Variants in ABRAXAS1 observed in about 807,000 individuals in gnomAD.
ABRAXAS1 encodes BRCA1-A complex subunit Abraxas 1.
ABRAXAS1 carries 26 observed loss-of-function variants against 38.4 expected under a neutral mutation model. The observed-to-expected ratio is 0.68, with a 90% CI of 0.50 to 0.94. The LOEUF (loss-of-function observed/expected upper bound fraction) is 0.94. Among genes scored for constraint, ABRAXAS1 ranks in the 40% least tolerant of loss-of-function variants. The probability of loss-of-function intolerance (pLI) is 0.00; values close to 1 mark genes in which losing one functional copy is unlikely to be tolerated. For missense variants in ABRAXAS1, 438 were observed against 481.9 expected, an observed-to-expected ratio of 0.91 and a Z score of 0.85; for synonymous variants, 144 against 165.5, an observed-to-expected ratio of 0.87 and a Z score of 1.00.
At chr4:83,472,583 T>A (rs995940305) in intron 3 of ABRAXAS1, among the ~76,000 whole-genome samples, 9 of 152,216 alleles carry the variant, frequency 5.9e-5, no homozygotes, top group Non-Finnish European at 2.9e-5. Context: ...AATACAGGTA[T>A]TAAAATGTAA....
intron 5 of ABRAXAS1, 109 bp downstream of exon 5, chr4:83,470,094 C>T: frequency 9.3e-6 from 7 of 749,126 alleles, no homozygotes; most frequent in Non-Finnish European, 1.4e-5. Flanking sequence ...GTTATCGTGA[C>T]AATCTGATGC....
chr4:83,470,173 T>C (rs772481293), intron 5 of ABRAXAS1, 30 bp downstream of exon 5: 13 of 1,556,348 alleles, frequency 8.4e-6, no homozygotes, highest in Non-Finnish European at 1.1e-5. Flanking sequence ...TCTATTAGTT[T>C]AATACAGCCA....
chr4:83,465,576 G>A (rs1009475695), intron 7 of ABRAXAS1, among the ~76,000 whole-genome samples: 13 of 152,186 alleles, frequency 8.5e-5, no homozygotes, highest in Admixed American at 5.2e-4. Flanking sequence ...TTGCTTGAGC[G>A]CAGGGGATGG....
chr4:83,470,192 C>A lies in ABRAXAS1; in HGVS notation c.476+11G>T. Reference sequence around the variant, plus strand: ...TTAGTTTAATACAGCCAGTGACTGGCCAACATTTACCCTTTTTGAGGTTTA... The same window carrying A: ...TTAGTTTAATACAGCCAGTGACTGGACAACATTTACCCTTTTTGAGGTTTA... On this transcript the variant is annotated intron_variant, in intron 5 of 8. Transcript: ENST00000321945. 6.3e-7 allele frequency: 1 copy of A among 1,595,882 alleles called. No homozygotes were observed. The highest frequency in any genetic ancestry group is 8.5e-7 in the Non-Finnish European group (1 of 1,169,722).
chr4:83,464,188 A>G (rs2088117), intron 7 of ABRAXAS1, among the ~76,000 whole-genome samples: 3,630 of 152,290 alleles, frequency 0.024, 136 homozygotes, highest in African/African-American at 0.082. Context: ...CCCTGTCTCA[A>G]ACAAAAACAA....
intron 8 of ABRAXAS1, 121 bp downstream of exon 8, chr4:83,463,370 TTGC>T: frequency 1.8e-6 from 1 of 560,426 alleles, no homozygotes; most frequent in South Asian, 3.2e-5. Flanking sequence ...GAGGCAGAGG[TTGC>T]AGTAAGCTGA....
chr4:83,470,790 C>T (rs1297720088), intron 4 of ABRAXAS1, among the ~76,000 whole-genome samples: 1 of 152,166 alleles, frequency 6.6e-6, no homozygotes, highest in African/African-American at 2.4e-5. Context: ...TGTATGGACA[C>T]TTGGTTTGTT....
At chr4:83,472,192 CA>C (rs1224608860) in intron 4 of ABRAXAS1, 29 bp downstream of exon 4, 24 of 1,400,692 alleles carry the variant, frequency 1.7e-5, no homozygotes, top group South Asian at 5.6e-5. Flanking sequence ...CAAATAATAC[CA>C]AAAAAAGGGA....
Position 83,462,662 on chromosome 4 carries a change from T to C in ABRAXAS1, c.1037A>G (p.His346Arg). Residue 346 changes from histidine to arginine, a missense_variant, in exon 9 of 9, where the codon CAT becomes CGT. Around this residue, in one of 3 missense-constraint regions of ABRAXAS1, gnomAD observed 184 missense variants for 181.9 expected, o/e 1.01. Coordinates refer to ENST00000321945, the MANE Select transcript of ABRAXAS1 (RefSeq NM_139076.3). ...TCTGTCATCTAAGTCTAAGGCTTTA[T>C]GCTTAATGATTTGTGGTGTACTAGC... ...SPASTPQIIK[H>R]KALDLDDRWQ... 4 of 1,614,038 alleles carry C rather than the reference T, an allele frequency of 2.5e-6. No homozygotes were observed. The highest frequency in any genetic ancestry group is 3.4e-6 in the Non-Finnish European group (4 of 1,179,994).
At chr4:83,466,637 G>A (rs1420032401) in intron 7 of ABRAXAS1, among the ~76,000 whole-genome samples, 2 of 151,744 alleles carry the variant, frequency 1.3e-5, no homozygotes, top group African/African-American at 4.8e-5. Flanking sequence ...CTGGGTTCAC[G>A]CCATTCTCCT....
At chr4:83,478,356 C>T in intron 2 of ABRAXAS1, 1 of 594,466 alleles carries the variant, frequency 1.7e-6, no homozygotes, top group Non-Finnish European at 3.3e-6. Flanking sequence ...GCCAAACTGG[C>T]TTTGGCGTGG....
chr4:83,468,309 A>G (rs890689158), intron 6 of ABRAXAS1, among the ~76,000 whole-genome samples: 1 of 104,328 alleles, frequency 9.6e-6, no homozygotes, highest in Non-Finnish European at 1.8e-5. Flanking sequence ...CTGTCTTTAA[A>G]AGAAAAAAAA....
intron 7 of ABRAXAS1, among the ~76,000 whole-genome samples, chr4:83,466,610 A>G (rs1052141548): frequency 5.3e-5 from 8 of 150,650 alleles, no homozygotes; most frequent in Non-Finnish European, 1.0e-4. Context: ...ATCTTGGCTC[A>G]CTGCAAGCTC....
chr4:83,475,042 G>T (rs1722717259), intron 3 of ABRAXAS1, among the ~76,000 whole-genome samples: 1 of 152,120 alleles, frequency 6.6e-6, no homozygotes. Flanking sequence ...GAGCTAAAAG[G>T]CTCAGGCATT....
At chr4:83,468,283 C>A (rs985681976) in intron 6 of ABRAXAS1, among the ~76,000 whole-genome samples, 47 of 132,590 alleles carry the variant, frequency 3.5e-4, no homozygotes, top group Non-Finnish European at 1.4e-4. Context: ...CCGGCCTGGA[C>A]AACAAGAGTG....
At chr4:83,484,201 A>G (rs1723095610) in intron 1 of ABRAXAS1, 5 of 985,146 alleles carry the variant, frequency 5.1e-6, no homozygotes, top group Non-Finnish European at 6.0e-6. Context: ...AATAGACGTT[A>G]TATCTTAAAA....
At chr4:83,482,352 T>G (rs1476370981) in intron 1 of ABRAXAS1, 108 bp from the exon 2 acceptor site, 1 of 574,724 alleles carries the variant, frequency 1.7e-6, no homozygotes, top group Non-Finnish European at 3.0e-6. Context: ...GTGCTACCAG[T>G]CGGGGGCACA....
In ABRAXAS1 at chr4:83,460,704, G is replaced by A. The variant is rs1052246937; in HGVS notation, c.*1765C>T. ...AGATCACCTGAGGCCAGGAGTTCAGGACCAGCCTGGCCAATATGGTGAAAC... is the reference window on the plus strand; with the variant it reads ...AGATCACCTGAGGCCAGGAGTTCAGAACCAGCCTGGCCAATATGGTGAAAC... On this transcript the variant is annotated 3_prime_UTR_variant, in exon 9 of 9. Transcript: ENST00000321945. 1 of 363,446 alleles carries A rather than the reference G, an allele frequency of 2.8e-6. No individual in the cohort carries two copies. 22.5% of individuals were successfully genotyped at this position (363,446 alleles called of 1,614,324 possible). A position where few individuals can be genotyped will look rare whatever the true frequency, so the allele number is the denominator to read the frequency against.
intron 2 of ABRAXAS1, chr4:83,477,770 G>C: frequency 1.4e-6 from 1 of 696,076 alleles, no homozygotes; most frequent in Non-Finnish European, 2.7e-6. Context: ...TTCAGGAATT[G>C]CTCCTGTTTT....
Sources: gnomAD v4.1 joint callset for allele counts (sites outside exome capture counted in the v4.1 genomes callset) on GRCh38, gnomAD v4.1.1 for gene constraint, gnomAD v4.1.1 regional missense constraint, MANE v1.5 for transcripts, NCBI Gene and HGNC (gene_info 2026-07-23, HGNC 2026-07-21) for gene names.